The following IRF2BP2 variants were observed in gnomAD, a reference collection of about 807,000 sequenced individuals.
The protein encoded by IRF2BP2 is interferon regulatory factor 2-binding protein 2.
IRF2BP2 carries 13 observed loss-of-function variants against 32.7 expected under a neutral mutation model. That is an observed-to-expected ratio of 0.40 (90% CI 0.26 to 0.63). The LOEUF is 0.63. Ranked by LOEUF, IRF2BP2 falls within the 30% of genes least tolerant of loss-of-function variation. The pLI is 0.42. For synonymous variants in IRF2BP2, 555 were observed against 384.6 expected, an observed-to-expected ratio of 1.44 and a Z score of -5.18; for missense variants, 980 against 830.6, an observed-to-expected ratio of 1.18 and a Z score of -2.21.
intron 1 of IRF2BP2, 77 bp from the exon 2 acceptor site, chr1:234,607,929 C>G: frequency 8.4e-7 from 1 of 1,192,572 alleles, no homozygotes; most frequent in South Asian, 1.5e-5. Flanking sequence ...TCTTCCTAAC[C>G]CGAAACAAAA....
rs764846625 is a variant in IRF2BP2, at chr1:234,607,586, G to A, written c.1315C>T (p.His439Tyr). The A allele has an allele frequency of 1.9e-6, 3 of 1,614,252 alleles. No homozygotes were observed. Among genetic ancestry groups the A allele is most frequent in the African/African-American group, 1.3e-5 (1 of 75,076 alleles). The change falls in exon 2 of 2, where the codon CAT becomes TAT. Residue 439 changes from histidine (H) to tyrosine (Y), a missense_variant. Transcript: ENST00000366609. ...ILVADNAGGS[H>Y]ASKDANQVHS... ...ACCTGGTTGGCATCTTTTGAGGCAT[G>A]ACTGCCCCCTGCATTGTCTGCTACT... is the stretch of plus-strand genomic sequence containing the variant.
rs928537240 is a variant in IRF2BP2 at position 234,610,093 on chromosome 1, G to A, written c.-599C>T. Among the ~76,000 whole-genome samples the A allele has an allele frequency of 2.7e-5, 4 of 147,948 alleles. No individual in the cohort carries two copies. The highest frequency in any genetic ancestry group is 9.8e-5 in the African/African-American group (4 of 41,004). ...CAGCTCCTGGCGTCGCCGCTCTCCA[G>A]CGCCAGCGTCAGCGGCCAGCCCGCC... On this transcript the variant is annotated 5_prime_UTR_variant, in exon 1 of 2. Transcript: ENST00000366609.
chr1:234,606,458 TA>T lies in IRF2BP2; in HGVS notation c.*678del, dbSNP rs144730175. 8.4e-4 allele frequency: 118 copies of T among 140,228 alleles called. No homozygotes were observed. Among genetic ancestry groups the T allele is most frequent in the Admixed American group, 7.9e-4 (11 of 13,968 alleles). 8.7% of individuals were successfully genotyped at this position (140,228 alleles called of 1,614,324 possible). ...CAGTGAACAGCGGTCAACTTTGTCTTAAAAAAAAAAAAACAAAAAACCCCAA... is the reference window on the plus strand; with the variant it reads ...CAGTGAACAGCGGTCAACTTTGTCTTAAAAAAAAAAAACAAAAAACCCCAA... On this transcript the variant is annotated 3_prime_UTR_variant, in exon 2 of 2. Coordinates refer to ENST00000366609, the MANE Select transcript of IRF2BP2 (RefSeq NM_182972.3).
intron 1 of IRF2BP2, 52 bp from the exon 2 acceptor site, chr1:234,607,904 T>G (rs767598499): frequency 3.7e-6 from 5 of 1,362,238 alleles, no homozygotes; most frequent in Non-Finnish European, 5.0e-6. Context: ...GGCGGTGCAC[T>G]GAAAGAGATC....
Position 234,610,141 on chromosome 1 carries a change from C to G in IRF2BP2, c.-647G>C, listed in dbSNP as rs530512788. On this transcript the variant is annotated 5_prime_UTR_variant, in exon 1 of 2. Coordinates refer to ENST00000366609, the MANE Select transcript of IRF2BP2 (RefSeq NM_182972.3). ...GCCTCAGCTCCGCCGCCGCCACCGT[C>G]GCTGCTGCTGCTGCCGCCGCGACCG... 1.3e-4 allele frequency among the ~76,000 whole-genome samples: 19 copies of G among 148,482 alleles called. No homozygotes were observed. In the East Asian group the frequency reaches 3.5e-3, roughly 28 times the overall value.
Position 234,607,830 on chromosome 1 carries a change from C to T in IRF2BP2, c.1071G>A (p.Arg357=). 1 of 1,583,478 alleles carries T rather than the reference C, an allele frequency of 6.3e-7. No individual in the cohort carries two copies. The highest frequency in any genetic ancestry group is 1.1e-5 in the South Asian group (1 of 89,102). ...CACCTTCTGGTTCTGGAGAGGGCTT[C>T]CTTTTCCTTGCTGTTCTTGCAACTG... ...SKAVARTARK[R]KPSPEPEGEV... Residue 357 remains arginine, a synonymous_variant, in exon 2 of 2, where the codon AGG becomes AGA. Transcript: ENST00000366609.
At position 234,608,864 on chromosome 1, in the gene IRF2BP2, C is replaced by A. The variant is rs1003995542; in HGVS notation, c.631G>T (p.Ala211Ser). 7.6e-7 allele frequency: 1 copy of A among 1,319,240 alleles called. No individual in the cohort carries two copies. The highest frequency in any genetic ancestry group is 9.6e-7 in the Non-Finnish European group (1 of 1,044,072). 81.7% of individuals were successfully genotyped at this position (1,319,240 alleles called of 1,614,324 possible). Residue 211 changes from alanine to serine, a missense_variant, in exon 1 of 2, where the codon GCC becomes TCC. Physicochemically the swap from Ala to Ser is moderately conservative, Grantham distance 99. Coordinates refer to ENST00000366609, the MANE Select transcript of IRF2BP2 (RefSeq NM_182972.3). ...GTTCCGGACACCGCGGCTAAGGAGG[C>A]GGCAGCGCGGCCGCCGAGGCCGAGC... The part of the protein sequence containing the change: ...TALGLGGRAA[A>S]SLAAVSGTAA...
Position 234,607,527 on chromosome 1 carries a change from C to T in IRF2BP2, c.1374G>A (p.Pro458=), listed in dbSNP as rs1454553100. 5 of 1,614,026 alleles carry T rather than the reference C, an allele frequency of 3.1e-6. No individual in the cohort carries two copies. The highest frequency in any genetic ancestry group is 2.2e-5 in the South Asian group (2 of 91,082). The part of the protein sequence containing the change: ...HSTTRRNSNS[P]PSPSSMNQRR... ...TTTGGTTCATAGAGGACGGAGAGGGCGGACTGTTGCTATTCCTCCTGGTAG... is the reference window on the plus strand; with the variant it reads ...TTTGGTTCATAGAGGACGGAGAGGGTGGACTGTTGCTATTCCTCCTGGTAG... The change falls in exon 2 of 2, where the codon CCG becomes CCA. Residue 458 remains proline (P), a synonymous_variant. Coordinates refer to ENST00000366609, the MANE Select transcript of IRF2BP2 (RefSeq NM_182972.3).
Position 234,609,041 on chromosome 1 carries a change from G to C in IRF2BP2, c.454C>G (p.Pro152Ala), listed in dbSNP as rs1553319860. 1.5e-6 allele frequency: 2 copies of C among 1,297,116 alleles called. No homozygotes were observed. The highest frequency in any genetic ancestry group is 1.5e-5 in the African/African-American group (1 of 65,448). 80.4% of individuals were successfully genotyped at this position (1,297,116 alleles called of 1,614,324 possible). A position where few individuals can be genotyped will look rare whatever the true frequency, so the allele number is the denominator to read the frequency against. ...TTGGGCACCAGGATGCCGTTCACGG[G>C]CGGCGGCTGCGGCGTCGGCGGCTGG... Reference protein sequence around the residue: ...LAQPPTPQPPPVNGILVPNGF... With the variant: ...LAQPPTPQPPAVNGILVPNGF... The change falls in exon 1 of 2, where the codon CCC becomes GCC. Residue 152 changes from proline to alanine, a missense_variant. Coordinates refer to ENST00000366609, the MANE Select transcript of IRF2BP2 (RefSeq NM_182972.3).
At position 234,608,826 on chromosome 1, in the gene IRF2BP2, G is replaced by A; in HGVS notation, c.669C>T (p.Ser223=). Residue 223 remains serine (S), a synonymous_variant, in exon 1 of 2, where the codon AGC becomes AGT. Coordinates refer to ENST00000366609, the MANE Select transcript of IRF2BP2 (RefSeq NM_182972.3). ...GATCGGTGGGCTGCGCGGAGCCCAGGCTGGCGGCCGCGGTTCCGGACACCG... is the reference window on the plus strand; with the variant it reads ...GATCGGTGGGCTGCGCGGAGCCCAGACTGGCGGCCGCGGTTCCGGACACCG... ...LAAVSGTAAA[S]LGSAQPTDLG... 1 of 1,358,600 alleles carries A rather than the reference G, an allele frequency of 7.4e-7. No individual in the cohort carries two copies. Among genetic ancestry groups the A allele is most frequent in the Non-Finnish European group, 9.4e-7 (1 of 1,065,074 alleles). 84.2% of individuals were successfully genotyped at this position (1,358,600 alleles called of 1,614,324 possible). A position where few individuals can be genotyped will look rare whatever the true frequency, so the allele number is the denominator to read the frequency against.
rs990891273 is a variant in IRF2BP2 at position 234,606,440 on chromosome 1, C to G, written c.*697G>C. The G allele has an allele frequency of 1.3e-5, 2 of 151,124 alleles. No homozygotes were observed. Among genetic ancestry groups the G allele is most frequent in the African/African-American group, 4.9e-5 (2 of 41,026 alleles). 9.4% of individuals were successfully genotyped at this position (151,124 alleles called of 1,614,324 possible). A position where few individuals can be genotyped will look rare whatever the true frequency, so the allele number is the denominator to read the frequency against. ...TACAACTGATCACGTGGACAGTGAA[C>G]AGCGGTCAACTTTGTCTTAAAAAAA... On this transcript the variant is annotated 3_prime_UTR_variant, in exon 2 of 2. Coordinates refer to ENST00000366609, the MANE Select transcript of IRF2BP2 (RefSeq NM_182972.3).
rs1672201308 is a variant in IRF2BP2 at position 234,607,714 on chromosome 1, G to C, written c.1187C>G (p.Ser396Cys). ...GLKIPMTPTS[S>C]FVSPPPPTAS... ...AGTGGGTGGTGGCGGAGACACAAAA[G>C]AGGATGTAGGAGTCATGGGGATCTT... Residue 396 changes from serine (S) to cysteine (C), a missense_variant, in exon 2 of 2, where the codon TCT becomes TGT. By Grantham distance (112) the Ser-to-Cys change is moderately radical. Coordinates refer to ENST00000366609, the MANE Select transcript of IRF2BP2 (RefSeq NM_182972.3). 2 of 1,614,200 alleles carry C rather than the reference G, an allele frequency of 1.2e-6. No homozygotes were observed. Among genetic ancestry groups the C allele is most frequent in the East Asian group, 2.2e-5 (1 of 44,884 alleles).
rs1304082239 is a variant in IRF2BP2 at position 234,609,867 on chromosome 1, G to C, written c.-373C>G. 7.1e-6 allele frequency among the ~76,000 whole-genome samples: 1 copy of C among 141,808 alleles called. No homozygotes were observed. Among genetic ancestry groups the C allele is most frequent in the Non-Finnish European group, 1.6e-5 (1 of 63,946 alleles). The allele number at this position is 141,808 out of a possible 152,430, so 93.0% of individuals were successfully genotyped here. A position where few individuals can be genotyped will look rare whatever the true frequency, so the allele number is the denominator to read the frequency against. ...GGGCGAAGACGGGCCGCGCGGGCGC[G>C]GGGGAGCGCAGCAGGTCGCGGCGGC... On this transcript the variant is annotated 5_prime_UTR_variant, in exon 1 of 2. Coordinates refer to ENST00000366609, the MANE Select transcript of IRF2BP2 (RefSeq NM_182972.3).
Position 234,609,584 on chromosome 1 carries a change from TCCC to T in IRF2BP2, c.-93_-91del, listed in dbSNP as rs928172390. The stretch of plus-strand genomic sequence containing the variant: ...CCCACCGGCACCACGCGCGCCCTCC[TCCC>T]CCCCCAACCCCGCGTCTCCCCCACC... On this transcript the variant is annotated 5_prime_UTR_variant, in exon 1 of 2. Coordinates refer to ENST00000366609, the MANE Select transcript of IRF2BP2 (RefSeq NM_182972.3). The T allele has an allele frequency of 3.2e-5, 22 of 677,740 alleles. No individual in the cohort carries two copies. The highest frequency in any genetic ancestry group is 4.8e-5 in the Admixed American group (1 of 20,710). 42.0% of individuals were successfully genotyped at this position (677,740 alleles called of 1,614,324 possible).
rs1261579856 is a variant in IRF2BP2, at chr1:234,605,043, A to G, written c.*2094T>C. On this transcript the variant is annotated 3_prime_UTR_variant, in exon 2 of 2. Transcript: ENST00000366609. ...CCACAGCTGGATAGACTTATCCAAA[A>G]CGGCAGGATGGTTCTGTATTAATCT... 6.6e-6 allele frequency: 1 copy of G among 152,232 alleles called. No individual in the cohort carries two copies. Among genetic ancestry groups the G allele is most frequent in the East Asian group, 1.9e-4 (1 of 5,204 alleles). The allele number at this position is 152,232 out of a possible 1,614,324, so 9.4% of individuals were successfully genotyped here.
chr1:234,609,623 G>A lies in IRF2BP2; in HGVS notation c.-129C>T, dbSNP rs1672288818. On this transcript the variant is annotated 5_prime_UTR_variant, in exon 1 of 2. Transcript: ENST00000366609. ...CGCGTCTCCCCCACCAGCGGCGGCG[G>A]CGGCCGCAAAGGCGGCGGCGGCGGC... 2.3e-6 allele frequency: 1 copy of A among 426,634 alleles called. No individual in the cohort carries two copies. The highest frequency in any genetic ancestry group is 3.6e-6 in the Non-Finnish European group (1 of 275,368). 26.4% of individuals were successfully genotyped at this position (426,634 alleles called of 1,614,324 possible).
rs763509957 is a variant in IRF2BP2, at chr1:234,607,503, T to C, written c.1398A>G (p.Gln466=). 6 of 1,613,992 alleles carry C rather than the reference T, an allele frequency of 3.7e-6. No homozygotes were observed. Among genetic ancestry groups the C allele is most frequent in the Non-Finnish European group, 5.1e-6 (6 of 1,179,950 alleles). ...CCACCTCTCTGGGGCCCAGCCTTCT[T>C]TGGTTCATAGAGGACGGAGAGGGCG... The part of the protein sequence containing the change: ...NSPPSPSSMN[Q]RRLGPREVGG... Residue 466 remains glutamine, a synonymous_variant, in exon 2 of 2, where the codon CAA becomes CAG. Coordinates refer to ENST00000366609, the MANE Select transcript of IRF2BP2 (RefSeq NM_182972.3).
In IRF2BP2 at chr1:234,610,031, C is replaced by T. The variant is rs1672306618; in HGVS notation, c.-537G>A. ...GCGGCCGGGCGGCGTGGAGCTCGGG[C>T]GCGGCGCGGGCCCCGGGTCGCTCCG... On this transcript the variant is annotated 5_prime_UTR_variant, in exon 1 of 2. Transcript: ENST00000366609. 6.8e-6 allele frequency among the ~76,000 whole-genome samples: 1 copy of T among 146,020 alleles called. No homozygotes were observed. The highest frequency in any genetic ancestry group is 6.8e-5 in the Admixed American group (1 of 14,742).
rs751793991 is a variant in IRF2BP2, at chr1:234,608,513, CCTT to C, written c.979_981del (p.Lys327del). 1.1e-5 allele frequency: 17 copies of C among 1,610,496 alleles called. No individual in the cohort carries two copies. Among genetic ancestry groups the C allele is most frequent in the South Asian group, 5.5e-5 (5 of 90,468 alleles). On this transcript the variant is annotated inframe_deletion, in exon 1 of 2. Transcript: ENST00000366609. ...AACCTGCCTGCAGTCAGGGCCGGCT[CCTT>C]CTTAAACTTGCTCTCGAAGGGCCCC...
Sources: gnomAD v4.1 joint callset for allele counts (sites outside exome capture counted in the v4.1 genomes callset) on GRCh38, gnomAD v4.1.1 for gene constraint, MANE v1.5 for transcripts, NCBI Gene and HGNC (gene_info 2026-07-23, HGNC 2026-07-21) for gene names.